Variants in CEP43 observed in about 807,000 individuals in gnomAD.
The protein encoded by CEP43 is FGFR1 oncogene partner.
A neutral mutation model predicts 52.6 loss-of-function variants in CEP43; 36 were observed. The ratio of observed to expected loss-of-function variants is 0.68; its 90% confidence interval spans 0.52 to 0.90. The LOEUF (loss-of-function observed/expected upper bound fraction) is 0.90, where lower values mean the gene tolerates loss of function less well. Ranked by LOEUF, CEP43 falls within the 40% of genes least tolerant of loss-of-function variation. The pLI is 0.00. For synonymous variants in CEP43, 192 were observed against 172.4 expected, an observed-to-expected ratio of 1.11 and a Z score of -0.89; for missense variants, 506 against 472.8, an observed-to-expected ratio of 1.07 and a Z score of -0.65.
chr6:167,026,256 G>A (rs764253435), intron 9 of CEP43, among the ~76,000 whole-genome samples: 14 of 152,182 alleles, frequency 9.2e-5, no homozygotes, highest in Non-Finnish European at 1.9e-4. Flanking sequence ...CCAGCTACTC[G>A]GGAGGCTGAG....
chr6:167,045,447 T>G lies in CEP43; in HGVS notation c.*5469T>G, dbSNP rs1169824827. ...CCTGTATTTTCTTTAAAAACCAATT[T>G]TGGGCCGGGCACGGTGGCTCACGCC... is the stretch of plus-strand genomic sequence containing the variant. On this transcript the variant is annotated 3_prime_UTR_variant, in exon 13 of 13. Transcript: ENST00000366847. 6.7e-6 allele frequency: 1 copy of G among 150,016 alleles called. No individual in the cohort carries two copies. Among genetic ancestry groups the G allele is most frequent in the Non-Finnish European group, 1.5e-5 (1 of 67,654 alleles). The allele number at this position is 150,016 out of a possible 1,614,324, so 9.3% of individuals were successfully genotyped here. A position where few individuals can be genotyped will look rare whatever the true frequency, so the allele number is the denominator to read the frequency against.
intron 7 of CEP43, among the ~76,000 whole-genome samples, chr6:167,016,316 G>C (rs1365706773): frequency 2.0e-5 from 3 of 152,190 alleles, no homozygotes; most frequent in Non-Finnish European, 4.4e-5. Context: ...CTGGAGTGCA[G>C]TGGTGTGATC....
Position 167,022,621 on chromosome 6 carries a change from G to A in CEP43, c.792G>A (p.Glu264=). ...TTGATGATCCCATTCCTAAGCCAGA[G>A]AAAACTTACGGTTTGTGAGTAAATG... ...SFFDDPIPKP[E]KTYGLRKEPR... is the part of the protein sequence containing the mutation. The change falls in exon 8 of 13, where the codon GAG becomes GAA. Residue 264 remains glutamate, a synonymous_variant. Coordinates refer to ENST00000366847, the MANE Select transcript of CEP43 (RefSeq NM_007045.4). 1 of 1,612,658 alleles carries A rather than the reference G, an allele frequency of 6.2e-7. No homozygotes were observed. Among genetic ancestry groups the A allele is most frequent in the South Asian group, 1.1e-5 (1 of 91,008 alleles).
intron 2 of CEP43, among the ~76,000 whole-genome samples, chr6:167,001,199 C>T (rs1281229628): frequency 3.3e-5 from 5 of 152,228 alleles, no homozygotes; most frequent in Non-Finnish European, 7.3e-5. Flanking sequence ...CTATGTTTAT[C>T]TGTACCTCTT....
Position 167,044,621 on chromosome 6 carries a change from C to G in CEP43, c.*4643C>G. On this transcript the variant is annotated 3_prime_UTR_variant, in exon 13 of 13. Transcript: ENST00000366847. ...TGAATGTGAAATTTATTCCCTGATA[C>G]ATGTTTTTAAAAATGAATCTTGCTG... The G allele has an allele frequency of 1.2e-6, 1 of 863,538 alleles. No individual in the cohort carries two copies. Among genetic ancestry groups the G allele is most frequent in the Non-Finnish European group, 1.4e-6 (1 of 718,740 alleles). 53.5% of individuals were successfully genotyped at this position (863,538 alleles called of 1,614,324 possible).
chr6:167,009,645 AC>A (rs1252658172), intron 5 of CEP43, among the ~76,000 whole-genome samples: 1 of 149,940 alleles, frequency 6.7e-6, no homozygotes, highest in African/African-American at 2.5e-5. Flanking sequence ...AACCTGGACA[AC>A]AAGAATGAAA....
At chr6:167,038,649 G>C (rs957249757) in intron 12 of CEP43, among the ~76,000 whole-genome samples, 1 of 152,144 alleles carries the variant, frequency 6.6e-6, no homozygotes, top group African/African-American at 2.4e-5. Flanking sequence ...TGAAATATTT[G>C]AGAATAATCA....
chr6:167,046,489 T>G lies in CEP43; in HGVS notation c.*6511T>G, dbSNP rs1285052322. The G allele has an allele frequency of 6.6e-6, 1 of 152,262 alleles. No homozygotes were observed. Among genetic ancestry groups the G allele is most frequent in the Non-Finnish European group, 1.5e-5 (1 of 68,050 alleles). 9.4% of individuals were successfully genotyped at this position (152,262 alleles called of 1,614,324 possible). On this transcript the variant is annotated 3_prime_UTR_variant, in exon 13 of 13. Transcript: ENST00000366847. ...CTGGCAGAAGGTGTGTTTCTGGAGT[T>G]AAACTACAGGCTTGGAAATGGAATT...
At chr6:167,005,193 T>C (rs1779825118) in intron 5 of CEP43, among the ~76,000 whole-genome samples, 1 of 152,224 alleles carries the variant, frequency 6.6e-6, no homozygotes, top group South Asian at 2.1e-4. Context: ...TGTTTTCTAT[T>C]AGAATTTTTG....
At position 167,022,407 on chromosome 6, in the gene CEP43, A is replaced by G. The variant is rs2128664042; in HGVS notation, c.580-2A>G. On this transcript the variant is annotated splice_acceptor_variant, in intron 7 of 12. Transcript: ENST00000366847. LOFTEE classifies it high-confidence loss of function. Reference sequence around the variant, plus strand: ...GCCTTTTCTCTTTCCCTCTCTTTCTAGAAGGCCAATGATGAGGCCAATCAG... The same window carrying G: ...GCCTTTTCTCTTTCCCTCTCTTTCTGGAAGGCCAATGATGAGGCCAATCAG... The G allele has an allele frequency of 6.2e-7, 1 of 1,605,264 alleles. No individual in the cohort carries two copies.
In CEP43 at chr6:167,004,350, A is replaced by G. The variant is rs1198491505; in HGVS notation, c.387A>G (p.Leu129=). The part of the protein sequence containing the change: ...AEGTVGGPLL[L]EVIRRCQQKE... ...GTACTGTGGGTGGACCCTTATTATT[A>G]GAAGTGATCAGGCGCTGTCAACAGA... is the stretch of plus-strand genomic sequence containing the variant. Residue 129 remains leucine, a synonymous_variant, in exon 5 of 13, where the codon TTA becomes TTG. Coordinates refer to ENST00000366847, the MANE Select transcript of CEP43 (RefSeq NM_007045.4). The G allele has an allele frequency of 3.7e-6, 6 of 1,611,492 alleles. No individual in the cohort carries two copies. The Admixed American group carries it at 8.4e-5, about 22-fold the overall frequency.
At chr6:167,023,569 G>A (rs1039873044) in intron 8 of CEP43, among the ~76,000 whole-genome samples, 8 of 152,188 alleles carry the variant, frequency 5.3e-5, no homozygotes, top group South Asian at 4.1e-4. Flanking sequence ...GAGTGTATGC[G>A]TTGGGATTGA....
chr6:167,036,125 A>G (rs1780580994), intron 12 of CEP43: 7 of 985,332 alleles, frequency 7.1e-6, no homozygotes, highest in Non-Finnish European at 8.4e-6. Flanking sequence ...GAAAATCAAG[A>G]TAAAAAGTGA....
At chr6:167,024,589 C>T (rs765152893) in intron 8 of CEP43, among the ~76,000 whole-genome samples, 193 bp from the exon 9 acceptor site, 1 of 152,098 alleles carries the variant, frequency 6.6e-6, no homozygotes, top group Non-Finnish European at 1.5e-5. Flanking sequence ...CCTGGCTGTG[C>T]CGATTGTGGT....
intron 10 of CEP43, among the ~76,000 whole-genome samples, chr6:167,029,561 G>A (rs1780424135): frequency 6.6e-6 from 1 of 152,198 alleles, no homozygotes; most frequent in African/African-American, 2.4e-5. Context: ...TTTTGAATTT[G>A]GGATGCTTAA....
rs958439230 is a variant in CEP43 at position 167,043,836 on chromosome 6, C to T, written c.*3858C>T. 1 of 152,072 alleles carries T rather than the reference C, an allele frequency of 6.6e-6. No homozygotes were observed. Among genetic ancestry groups the T allele is most frequent in the Admixed American group, 6.5e-5 (1 of 15,272 alleles). The allele number at this position is 152,072 out of a possible 1,614,324, so 9.4% of individuals were successfully genotyped here. On this transcript the variant is annotated 3_prime_UTR_variant, in exon 13 of 13. Coordinates refer to ENST00000366847, the MANE Select transcript of CEP43 (RefSeq NM_007045.4). ...ATGTATGTCATGAAAGACAGATGAA[C>T]AAAGAACTGATCTTGAAGAAAATGT...
intron 2 of CEP43, among the ~76,000 whole-genome samples, chr6:167,002,146 A>G (rs1404760488): frequency 6.6e-6 from 1 of 152,222 alleles, no homozygotes; most frequent in Admixed American, 6.5e-5. Context: ...TACTGCGCAT[A>G]TCCTTCAAAC....
At chr6:167,036,423 G>T (rs1356784602) in intron 12 of CEP43, 8 of 985,280 alleles carry the variant, frequency 8.1e-6, no homozygotes, top group Non-Finnish European at 9.6e-6. Context: ...AGGAGCAGAG[G>T]CCCTGGGGAG....
At chr6:167,028,285 TC>T (rs1583287337) in intron 10 of CEP43, 7 of 985,424 alleles carry the variant, frequency 7.1e-6, no homozygotes, top group Non-Finnish European at 8.4e-6. Context: ...AGAATTGTCA[TC>T]CTCAGGAGGG....
Sources: allele counts gnomAD v4.1 joint callset (sites outside exome capture counted in the v4.1 genomes callset), GRCh38; gene constraint gnomAD v4.1.1; transcripts MANE v1.5; gene names NCBI Gene and HGNC (gene_info 2026-07-23, HGNC 2026-07-21).